The following JAKMIP3 variants were observed in gnomAD, a reference collection of about 807,000 sequenced individuals.
JAKMIP3 encodes the protein janus kinase and microtubule-interacting protein 3.
Under a neutral mutation model 118.5 loss-of-function variants are expected in JAKMIP3, and 58 were observed. The observed-to-expected ratio is 0.49, with a 90% CI of 0.40 to 0.61. JAKMIP3 has a LOEUF of 0.61. JAKMIP3 is among the 20% of genes least tolerant of loss of function. The probability of loss-of-function intolerance (pLI) is 0.00; values close to 1 mark genes in which losing one functional copy is unlikely to be tolerated. For synonymous variants in JAKMIP3, 486 were observed against 451.2 expected, an observed-to-expected ratio of 1.08 and a Z score of -0.98; for missense variants, 950 against 1,109.0, an observed-to-expected ratio of 0.86 and a Z score of 2.04.
At chr10:132,173,010 T>C (rs55778150) in intron 23 of JAKMIP3, among the ~76,000 whole-genome samples, 647 of 9,622 alleles carry the variant, frequency 0.067, 153 homozygotes, top group East Asian at 0.6. Flanking sequence ...CCTCTCTCTC[T>C]CTCTCCCTCT....
chr10:132,121,656 G>A (rs75532433), intron 3 of JAKMIP3, among the ~76,000 whole-genome samples: 1,734 of 152,312 alleles, frequency 0.011, 31 homozygotes, highest in African/African-American at 0.04. Flanking sequence ...GCCCTGGGAG[G>A]GTGGTATCTG....
At chr10:132,075,671 A>C (rs1450393369) in intron 1 of JAKMIP3, among the ~76,000 whole-genome samples, 1 of 152,066 alleles carries the variant, frequency 6.6e-6, no homozygotes, top group African/African-American at 2.4e-5. Flanking sequence ...TGGCCTCCCA[A>C]AGTGCTCATG....
intron 9 of JAKMIP3, among the ~76,000 whole-genome samples, chr10:132,138,499 C>T (rs906554612): frequency 3.9e-5 from 6 of 152,026 alleles, no homozygotes; most frequent in African/African-American, 1.2e-4. Context: ...GTGTGGAGAG[C>T]GTGCTGGCGT....
At chr10:132,154,271 A>G (rs982020696) in intron 19 of JAKMIP3, among the ~76,000 whole-genome samples, 1 of 152,240 alleles carries the variant, frequency 6.6e-6, no homozygotes, top group Non-Finnish European at 1.5e-5. Flanking sequence ...ACTCAAGCAC[A>G]GAAACATGCC....
intron 3 of JAKMIP3, among the ~76,000 whole-genome samples, chr10:132,126,266 G>C (rs530782576): frequency 1.2e-3 from 175 of 150,320 alleles, no homozygotes; most frequent in African/African-American, 4.2e-3. Flanking sequence ...TGGTTGGTTG[G>C]TTTTGGTTTT....
rs2048070574 is a variant in JAKMIP3 at position 132,118,510 on chromosome 10, C to T, written c.633+936C>T. On this transcript the variant is annotated intron_variant, in intron 3 of 23. Transcript: ENST00000684848. The surrounding 1 kb of genome is among the most constrained non-coding windows in gnomAD (Gnocchi z 4.8). ...TGGCTGTGCACCTGGGGCAGCCTCCCTCTGCCTGCTTCCCGGGGCCTCCGG... is the reference window on the plus strand; with the variant it reads ...TGGCTGTGCACCTGGGGCAGCCTCCTTCTGCCTGCTTCCCGGGGCCTCCGG... 6.6e-6 allele frequency among the ~76,000 whole-genome samples: 1 copy of T among 152,214 alleles called. No homozygotes were observed. Among genetic ancestry groups the T allele is most frequent in the Non-Finnish European group, 1.5e-5 (1 of 68,028 alleles).
intron 2 of JAKMIP3, among the ~76,000 whole-genome samples, chr10:132,116,354 C>G (rs60251740): frequency 8.6e-5 from 13 of 151,268 alleles, no homozygotes; most frequent in African/African-American, 3.2e-4. Context: ...ACGCTCCCCC[C>G]GAATACACAT....
At chr10:132,139,375 TG>T (rs2052855367) in intron 9 of JAKMIP3, among the ~76,000 whole-genome samples, 1 of 16,966 alleles carries the variant, frequency 5.9e-5, no homozygotes, top group African/African-American at 3.8e-4. Context: ...TGTACGTGTG[TG>T]AGTATGTGAG....
intron 1 of JAKMIP3, among the ~76,000 whole-genome samples, chr10:132,072,014 C>T (rs912580487): frequency 1.3e-5 from 2 of 151,470 alleles, no homozygotes; most frequent in African/African-American, 2.4e-5. Context: ...TGCAATGGCA[C>T]GATCTCGGCT....
At chr10:132,093,193 C>T (rs553275956) in intron 1 of JAKMIP3, among the ~76,000 whole-genome samples, 1 of 152,322 alleles carries the variant, frequency 6.6e-6, no homozygotes, top group Non-Finnish European at 1.5e-5. Context: ...GGGGGTGCCT[C>T]CCAGTTAGGC....
chr10:132,120,754 G>A (rs1304909942), intron 3 of JAKMIP3, among the ~76,000 whole-genome samples: 2 of 152,176 alleles, frequency 1.3e-5, no homozygotes, highest in Non-Finnish European at 2.9e-5. Flanking sequence ...AACTGACAAG[G>A]GTCCCAGGAC....
chr10:132,136,913 G>A (rs2051903701), intron 6 of JAKMIP3, 106 bp from the exon 7 acceptor site: 1 of 1,293,280 alleles, frequency 7.7e-7, no homozygotes, highest in Admixed American at 2.3e-5. Flanking sequence ...CCGGGCAGCT[G>A]AGAGTGGCAG....
At chr10:132,128,171 C>A (rs2049970753) in intron 3 of JAKMIP3, among the ~76,000 whole-genome samples, 1 of 152,234 alleles carries the variant, frequency 6.6e-6, no homozygotes, top group Non-Finnish European at 1.5e-5. Flanking sequence ...AGGATGTATT[C>A]ATTGAACCTG....
At chr10:132,072,956 C>T (rs1217221354) in intron 1 of JAKMIP3, among the ~76,000 whole-genome samples, 1 of 152,170 alleles carries the variant, frequency 6.6e-6, no homozygotes, top group Non-Finnish European at 1.5e-5. Flanking sequence ...CTCTGTCTGT[C>T]CGTGTGTTCC....
At chr10:132,052,445 T>G (rs2038128271) in intron 1 of JAKMIP3, among the ~76,000 whole-genome samples, 1 of 152,266 alleles carries the variant, frequency 6.6e-6, no homozygotes, top group Non-Finnish European at 1.5e-5. Flanking sequence ...TTGTCTTTCA[T>G]CAATTCTAGA....
chr10:132,135,647 C>T (rs1397052071), intron 5 of JAKMIP3, among the ~76,000 whole-genome samples: 1 of 152,248 alleles, frequency 6.6e-6, no homozygotes, highest in African/African-American at 2.4e-5. Flanking sequence ...GGACGGGACT[C>T]ACCCCCGGGG....
At chr10:132,066,430 G>A (rs1298595886) in intron 1 of JAKMIP3, among the ~76,000 whole-genome samples, 3 of 152,214 alleles carry the variant, frequency 2.0e-5, no homozygotes, top group Admixed American at 6.5e-5. Flanking sequence ...GTGTATTGCC[G>A]GCTGTGGTGA....
rs189643747 is a variant in JAKMIP3 at position 132,133,200 on chromosome 10, G to A, written c.634-112G>A. On this transcript the variant is annotated intron_variant, in intron 3 of 23. Coordinates refer to ENST00000684848, the MANE Select transcript of JAKMIP3 (RefSeq NM_001323087.2). ...TCCTGCTCTTAGTCCAGGATGCTTC[G>A]CTTTTGCTTCCGGTCTCAGAGCCCA... 278 of 925,388 alleles carry A rather than the reference G, an allele frequency of 3.0e-4. 3 individuals carry two copies. The African/African-American group carries it at 3.4e-3, about 11-fold the overall frequency. The allele number at this position is 925,388 out of a possible 1,614,324, so 57.3% of individuals were successfully genotyped here. A position where few individuals can be genotyped will look rare whatever the true frequency, so the allele number is the denominator to read the frequency against.
intron 1 of JAKMIP3, among the ~76,000 whole-genome samples, chr10:132,090,560 C>T (rs905416751): frequency 6.6e-6 from 1 of 152,056 alleles, no homozygotes; most frequent in Non-Finnish European, 1.5e-5. Flanking sequence ...GGTGATAACC[C>T]CTTTATCATT....
Sources: allele counts gnomAD v4.1 joint callset (sites outside exome capture counted in the v4.1 genomes callset), GRCh38; gene constraint gnomAD v4.1.1; non-coding constraint Gnocchi (gnomAD v3.1); transcripts MANE v1.5; gene names NCBI Gene and HGNC (gene_info 2026-07-23, HGNC 2026-07-21).